The following GAB4 variants were observed in gnomAD, a reference collection of about 807,000 sequenced individuals.
The protein encoded by GAB4 is GRB2 associated binding protein family member 4.
In GAB4, 26 loss-of-function variants were observed where a neutral mutation model predicts 51.3. The ratio of observed to expected loss-of-function variants is 0.51; its 90% CI spans 0.37 to 0.70. The LOEUF (loss-of-function observed/expected upper bound fraction) is 0.70, where lower values mean the gene tolerates loss of function less well. Ranked by LOEUF, GAB4 falls within the 30% of genes least tolerant of loss-of-function variation. The pLI, the probability that GAB4 is intolerant of heterozygous loss-of-function variation, is 0.00. For missense variants in GAB4, 759 were observed against 734.6 expected, an observed-to-expected ratio of 1.03 and a Z score of -0.38; for synonymous variants, 329 against 291.2, an observed-to-expected ratio of 1.13 and a Z score of -1.32.
chr22:16,986,810 C>T (rs1312131008), intron 3 of GAB4, among the ~76,000 whole-genome samples: 1 of 152,186 alleles, frequency 6.6e-6, no homozygotes, highest in Non-Finnish European at 1.5e-5. Context: ...GCTGAAAGTT[C>T]ACAAACGAAG....
rs1418669998 is a variant in GAB4 at position 16,962,079 on chromosome 22, C to A, written c.*654G>T. 2 of 152,478 alleles carry A rather than the reference C, an allele frequency of 1.3e-5. No homozygotes were observed. Among genetic ancestry groups the A allele is most frequent in the Admixed American group, 6.5e-5 (1 of 15,276 alleles). 9.4% of individuals were successfully genotyped at this position (152,478 alleles called of 1,614,324 possible). A position where few individuals can be genotyped will look rare whatever the true frequency, so the allele number is the denominator to read the frequency against. On this transcript the variant is annotated 3_prime_UTR_variant, in exon 10 of 10. Coordinates refer to ENST00000400588, the MANE Select transcript of GAB4 (RefSeq NM_001037814.1). ...TCACCCCAGTCTCTGGAGCTCCAGC[C>A]CTGCTTCTTGTGGCTTTCGGCTGTT...
At chr22:17,002,939 C>G (rs887662285) in intron 1 of GAB4, among the ~76,000 whole-genome samples, 1 of 152,174 alleles carries the variant, frequency 6.6e-6, no homozygotes. Flanking sequence ...GGAGACCCAT[C>G]TGATGTGCAA....
At chr22:16,973,028 C>T (rs1254026813) in intron 3 of GAB4, among the ~76,000 whole-genome samples, 1 of 152,192 alleles carries the variant, frequency 6.6e-6, no homozygotes, top group Admixed American at 6.5e-5. Flanking sequence ...GTCCTGTTGT[C>T]AGCTGTCCCT....
At chr22:16,969,805 A>C in intron 4 of GAB4, 138 bp downstream of exon 4, 43 of 1,059,564 alleles carry the variant, frequency 4.1e-5, no homozygotes, top group Middle Eastern at 2.8e-4. Flanking sequence ...ACCATGGCAT[A>C]GAGGTTCTTG....
At chr22:17,001,967 G>A (rs1203709238) in intron 1 of GAB4, among the ~76,000 whole-genome samples, 2 of 152,216 alleles carry the variant, frequency 1.3e-5, no homozygotes, top group Non-Finnish European at 2.9e-5. Context: ...CGAGCCAGGT[G>A]TGGGATATAT....
chr22:17,003,428 T>C (rs1221930475), intron 1 of GAB4, among the ~76,000 whole-genome samples: 1 of 152,144 alleles, frequency 6.6e-6, no homozygotes, highest in African/African-American at 2.4e-5. Flanking sequence ...GACTACAAAA[T>C]TGGAAGTAAA....
rs138870686 is a variant in GAB4 at position 16,993,307 on chromosome 22, C to A, written c.175-1131G>T. Among the ~76,000 whole-genome samples, 16 of 152,258 alleles carry A rather than the reference C, an allele frequency of 1.1e-4. No homozygotes were observed. The East Asian group carries it at 1.5e-3, about 15-fold the overall frequency. The stretch of plus-strand genomic sequence containing the variant: ...CTTGTCTCGGCTATTGGAATCACCA[C>A]CACCACCACCTGCCCTAAGTACCTC... On this transcript the variant is annotated intron_variant, in intron 1 of 9. Transcript: ENST00000400588.
chr22:16,980,240 A>G (rs113273166), intron 3 of GAB4, among the ~76,000 whole-genome samples: 3,368 of 152,352 alleles, frequency 0.022, 59 homozygotes, highest in Middle Eastern at 0.068. Flanking sequence ...AGAATGGGAG[A>G]ATATTTCTGC....
intron 1 of GAB4, among the ~76,000 whole-genome samples, chr22:16,998,251 A>T (rs2123718029): frequency 6.6e-6 from 1 of 152,316 alleles, no homozygotes; most frequent in Middle Eastern, 3.4e-3. Context: ...GGCCATTTTC[A>T]CAATATTGAT....
chr22:16,966,018 T>C, intron 6 of GAB4, 82 bp downstream of exon 6: 1 of 1,338,962 alleles, frequency 7.5e-7, no homozygotes. Flanking sequence ...AGTCAGACGT[T>C]CCACATCCAG....
intron 1 of GAB4, among the ~76,000 whole-genome samples, chr22:17,001,561 G>A (rs1374542350): frequency 1.3e-5 from 2 of 152,082 alleles, no homozygotes; most frequent in African/African-American, 4.8e-5. Flanking sequence ...AAGATTTTTA[G>A]CTTCTTTGCG....
chr22:16,995,611 A>C (rs1048494863), intron 1 of GAB4, among the ~76,000 whole-genome samples: 3 of 152,212 alleles, frequency 2.0e-5, no homozygotes, highest in African/African-American at 4.8e-5. Context: ...CTTCCAGAGG[A>C]AGGAGCAGGC....
chr22:16,972,694 C>T lies in GAB4; in HGVS notation c.687-2501G>A, dbSNP rs116617020. 2.9e-3 allele frequency among the ~76,000 whole-genome samples: 444 copies of T among 152,266 alleles called. 3 individuals are homozygous for T. Among genetic ancestry groups the T allele is most frequent in the African/African-American group, 0.01 (433 of 41,556 alleles). On this transcript the variant is annotated intron_variant, in intron 3 of 9. Coordinates refer to ENST00000400588, the MANE Select transcript of GAB4 (RefSeq NM_001037814.1). ...AACATTGGAGTTACCCACACTCTCA[C>T]TCAATCACCAGCCAGCCTTAGTGAG...
At chr22:17,006,765 C>G (rs539007229) in intron 1 of GAB4, among the ~76,000 whole-genome samples, 1 of 152,222 alleles carries the variant, frequency 6.6e-6, no homozygotes, top group Non-Finnish European at 1.5e-5. Flanking sequence ...AACAGAAAAC[C>G]AAACACCGCC....
At chr22:16,982,240 G>A (rs2060832592) in intron 3 of GAB4, among the ~76,000 whole-genome samples, 4 of 152,158 alleles carry the variant, frequency 2.6e-5, no homozygotes, top group Admixed American at 2.6e-4. Context: ...AAGTAAAATT[G>A]TCCTTGTTTG....
At chr22:16,964,682 G>A in intron 8 of GAB4, 84 bp downstream of exon 8, 2 of 954,860 alleles carry the variant, frequency 2.1e-6, no homozygotes, top group South Asian at 3.0e-5. Context: ...AGTCAGCTGA[G>A]GTAGCTAAGC....
At chr22:17,007,103 C>T (rs2061046376) in intron 1 of GAB4, among the ~76,000 whole-genome samples, 1 of 152,152 alleles carries the variant, frequency 6.6e-6, no homozygotes, top group Non-Finnish European at 1.5e-5. Flanking sequence ...ACTATAGGAT[C>T]AGCTTATTCT....
intron 3 of GAB4, among the ~76,000 whole-genome samples, chr22:16,984,964 A>T (rs2060855841): frequency 6.6e-6 from 1 of 152,192 alleles, no homozygotes; most frequent in African/African-American, 2.4e-5. Flanking sequence ...AAATCCATGG[A>T]AGACAGAAAA....
chr22:16,999,470 T>A (rs2060977576), intron 1 of GAB4, among the ~76,000 whole-genome samples: 1 of 152,258 alleles, frequency 6.6e-6, no homozygotes, highest in African/African-American at 2.4e-5. Flanking sequence ...TGTATTTCTG[T>A]GGGATTGGTG....
Sources: gnomAD v4.1 joint callset for allele counts (sites outside exome capture counted in the v4.1 genomes callset) on GRCh38, gnomAD v4.1.1 for gene constraint, MANE v1.5 for transcripts, NCBI Gene and HGNC (gene_info 2026-07-23, HGNC 2026-07-21) for gene names.